The following PGM2L1 variants were observed in gnomAD, a reference collection of about 807,000 sequenced individuals.
The protein encoded by PGM2L1 is glucose 1,6-bisphosphate synthase.
A neutral mutation model predicts 73.4 loss-of-function variants in PGM2L1; 35 were observed. The ratio of observed to expected loss-of-function variants is 0.48; its 90% CI spans 0.36 to 0.63. The LOEUF (loss-of-function observed/expected upper bound fraction) is 0.63. Among genes scored for constraint, PGM2L1 ranks in the 30% least tolerant of loss-of-function variants. The pLI, the probability that PGM2L1 is intolerant of heterozygous loss-of-function variation, is 0.00. For missense variants in PGM2L1, 570 were observed against 742.0 expected (o/e 0.77, Z 2.69); for synonymous variants, 225 against 253.8 (o/e 0.89, Z 1.08).
chr11:74,339,935 A>G (rs954940688), intron 12 of PGM2L1, among the ~76,000 whole-genome samples: 2 of 152,160 alleles, frequency 1.3e-5, no homozygotes, highest in African/African-American at 4.8e-5. Flanking sequence ...TAAGCCCCCA[A>G]AGTCTCTTCC....
intron 13 of PGM2L1, among the ~76,000 whole-genome samples, 193 bp from the exon 14 acceptor site, chr11:74,336,947 C>T (rs1166314829): frequency 6.6e-6 from 1 of 151,794 alleles, no homozygotes; most frequent in Non-Finnish European, 1.5e-5. Flanking sequence ...CTATCACAAA[C>T]TGAAGGTGAA....
In PGM2L1 at chr11:74,333,703, A is replaced by G. The variant is rs1000505617; in HGVS notation, c.*2949T>C. The G allele has an allele frequency of 6.6e-6, 1 of 152,188 alleles. No individual in the cohort carries two copies. Among genetic ancestry groups the G allele is most frequent in the Non-Finnish European group, 1.5e-5 (1 of 68,032 alleles). 9.4% of individuals were successfully genotyped at this position (152,188 alleles called of 1,614,324 possible). On this transcript the variant is annotated 3_prime_UTR_variant, in exon 14 of 14. Coordinates refer to ENST00000298198, the MANE Select transcript of PGM2L1 (RefSeq NM_173582.6). ...ACAGGTGGGACACAGTTTATTCCCT[A>G]CTGTTATGGTGTTACATTTGCCCTT...
At chr11:74,347,368 T>C in intron 6 of PGM2L1, 31 bp from the exon 7 acceptor site, 1 of 1,480,978 alleles carries the variant, frequency 6.8e-7, no homozygotes, top group Non-Finnish European at 9.1e-7. Context: ...AAGATCATGA[T>C]TACAAAACCT....
chr11:74,394,820 C>T (rs1405158224), intron 1 of PGM2L1, among the ~76,000 whole-genome samples: 2 of 151,978 alleles, frequency 1.3e-5, no homozygotes, highest in African/African-American at 2.4e-5. Context: ...TAGTGACCAA[C>T]GCAAGTAGCA....
At chr11:74,382,887 A>G (rs1489807691) in intron 1 of PGM2L1, among the ~76,000 whole-genome samples, 2 of 152,206 alleles carry the variant, frequency 1.3e-5, no homozygotes, top group Non-Finnish European at 2.9e-5. Flanking sequence ...AGGAGTACCA[A>G]AGTCACACAA....
In PGM2L1 at chr11:74,398,110, A is replaced by G; in HGVS notation, c.52T>C (p.Tyr18His). 1 of 1,612,218 alleles carries G rather than the reference A, an allele frequency of 6.2e-7. No individual in the cohort carries two copies. The highest frequency in any genetic ancestry group is 8.5e-7 in the Non-Finnish European group (1 of 1,178,934). The change falls in exon 1 of 14, where the codon TAC (tyrosine) becomes CAC (histidine). Residue 18 changes from tyrosine to histidine, a missense_variant. Physicochemically the swap from Tyr to His is moderately conservative, Grantham distance 83. Coordinates refer to ENST00000298198, the MANE Select transcript of PGM2L1 (RefSeq NM_173582.6). ...TCCAGCTGAGGGTCCCCGGTGTGGT[A>G]GGGGGCGTGGAGCAGGTTGGAGTTC... is the stretch of plus-strand genomic sequence containing the variant. Reference protein sequence around the residue: ...DLNSNLLHAPYHTGDPQLDTA... With the variant: ...DLNSNLLHAPHHTGDPQLDTA...
intron 5 of PGM2L1, among the ~76,000 whole-genome samples, chr11:74,357,112 G>C (rs568116727): frequency 1.3e-5 from 2 of 152,198 alleles, no homozygotes; most frequent in East Asian, 1.9e-4. Context: ...GTCTCCCAAA[G>C]TGCTGGGATT....
intron 1 of PGM2L1, among the ~76,000 whole-genome samples, chr11:74,395,837 C>A (rs1465282473): frequency 6.6e-6 from 1 of 152,032 alleles, no homozygotes; most frequent in East Asian, 1.9e-4. Flanking sequence ...ACCAAAACTA[C>A]CCTAGCATTA....
At chr11:74,353,485 C>T in intron 5 of PGM2L1, among the ~76,000 whole-genome samples, 1 of 151,440 alleles carries the variant, frequency 6.6e-6, no homozygotes, top group East Asian at 1.9e-4. Flanking sequence ...ACCCTGCGGC[C>T]TTCCGCAGTG....
intron 1 of PGM2L1, among the ~76,000 whole-genome samples, chr11:74,381,995 G>A (rs1862954824): frequency 6.7e-6 from 1 of 149,788 alleles, no homozygotes; most frequent in African/African-American, 2.5e-5. Flanking sequence ...TTTAAAATGA[G>A]TAAGCCCAGT....
intron 5 of PGM2L1, among the ~76,000 whole-genome samples, chr11:74,365,852 C>T (rs1198231392): frequency 6.6e-6 from 1 of 152,148 alleles, no homozygotes; most frequent in Non-Finnish European, 1.5e-5. Flanking sequence ...CCCAGCAATC[C>T]CATTACTGGG....
chr11:74,397,023 A>AT (rs757558375), intron 1 of PGM2L1, among the ~76,000 whole-genome samples: 2 of 152,284 alleles, frequency 1.3e-5, no homozygotes, highest in South Asian at 2.1e-4. Context: ...AGCATTCAAT[A>AT]TTTTTTTGCT....
chr11:74,383,860 G>C (rs144476730), intron 1 of PGM2L1, among the ~76,000 whole-genome samples: 169 of 76,694 alleles, frequency 2.2e-3, no homozygotes, highest in African/African-American at 8.3e-3. Context: ...TCTTTATCCA[G>C]TCTATCACCG....
rs373383355 is a variant in PGM2L1, at chr11:74,398,032, G to A, written c.111+19C>T. On this transcript the variant is annotated intron_variant, in intron 1 of 13. Transcript: ENST00000298198. The stretch of plus-strand genomic sequence containing the variant: ...TGTGGGGGAGGCGACGGCGTTTGCC[G>A]GGCTGACCAGGTACCCACCTTATCC... 3.1e-6 allele frequency: 5 copies of A among 1,587,522 alleles called. No homozygotes were observed. In the African/African-American group the frequency reaches 5.4e-5, roughly 17 times the overall value.
chr11:74,353,786 T>A (rs976542381), intron 5 of PGM2L1, among the ~76,000 whole-genome samples: 1 of 129,450 alleles, frequency 7.7e-6, no homozygotes, highest in African/African-American at 2.8e-5. Context: ...TCCCCACACT[T>A]CCCCCACTTC....
At chr11:74,338,319 G>A in intron 13 of PGM2L1, 149 bp downstream of exon 13, 1 of 729,758 alleles carries the variant, frequency 1.4e-6, no homozygotes. Context: ...TGATGAAAAT[G>A]TTCTAAAATT....
Position 74,374,449 on chromosome 11 carries a change from T to C in PGM2L1, c.245A>G (p.Tyr82Cys). The C allele has an allele frequency of 2.5e-6, 4 of 1,613,900 alleles. No homozygotes were observed. The highest frequency in any genetic ancestry group is 1.3e-5 in the African/African-American group (1 of 75,050). The change falls in exon 2 of 14, where the codon TAT (tyrosine) becomes TGT (cysteine). Residue 82 changes from tyrosine (Y) to cysteine (C), a missense_variant. Tyr to Cys is a radical substitution (Grantham distance 194). Coordinates refer to ENST00000298198, the MANE Select transcript of PGM2L1 (RefSeq NM_173582.6). ...LRSAMGAGFC[Y>C]INDLTVIQST... is the part of the protein sequence containing the mutation. ...CTGTATTACTGTAAGGTCATTAATA[T>C]AGCAAAACCCTGCCCCCATGGCAGA... is the stretch of plus-strand genomic sequence containing the variant.
chr11:74,385,682 T>C (rs1490368317), intron 1 of PGM2L1, among the ~76,000 whole-genome samples: 3 of 152,134 alleles, frequency 2.0e-5, no homozygotes, highest in African/African-American at 7.2e-5. Flanking sequence ...AAAAGATTCA[T>C]GGCTTGATGT....
intron 4 of PGM2L1, among the ~76,000 whole-genome samples, chr11:74,370,036 T>C (rs1862728325): frequency 6.6e-6 from 1 of 152,204 alleles, no homozygotes; most frequent in African/African-American, 2.4e-5. Context: ...CATGAGACAT[T>C]GCCCCTGGCC....
Sources: gnomAD v4.1 joint callset for allele counts (sites outside exome capture counted in the v4.1 genomes callset) on GRCh38, gnomAD v4.1.1 for gene constraint, MANE v1.5 for transcripts, NCBI Gene and HGNC (gene_info 2026-07-23, HGNC 2026-07-21) for gene names.